Variants in AUTS2 observed in about 807,000 individuals in gnomAD.
The protein encoded by AUTS2 is activator of transcription and developmental regulator AUTS2.
In AUTS2, 17 loss-of-function variants were observed where a neutral mutation model predicts 112.4. That is an observed-to-expected ratio of 0.15 (90% CI 0.10 to 0.23). AUTS2 has a LOEUF of 0.23. Among genes scored for constraint, AUTS2 ranks in the 10% least tolerant of loss-of-function variants. The pLI is 1.00. For missense variants in AUTS2, 1,510 were observed against 1,701.6 expected (o/e 0.89, Z 1.98); for synonymous variants, 751 against 702.7 (o/e 1.07, Z -1.09).
intron 4 of AUTS2, among the ~76,000 whole-genome samples, chr7:70,140,832 AATTGAT>A: frequency 6.6e-6 from 1 of 152,340 alleles, no homozygotes; most frequent in East Asian, 1.9e-4. Flanking sequence ...CATTTGGACT[AATTGAT>A]AAGGAGTTGA....
chr7:70,639,046 C>T (rs989447482), intron 5 of AUTS2, among the ~76,000 whole-genome samples: 1 of 152,118 alleles, frequency 6.6e-6, no homozygotes, highest in African/African-American at 2.4e-5. Context: ...CATCTTAGCC[C>T]TGACTTTTAA....
At chr7:70,324,238 G>A (rs1790384281) in intron 4 of AUTS2, among the ~76,000 whole-genome samples, 1 of 152,204 alleles carries the variant, frequency 6.6e-6, no homozygotes, top group African/African-American at 2.4e-5. Flanking sequence ...AGAAACAGTT[G>A]TGTTGGCTCT....
chr7:70,333,421 C>G (rs1024231311), intron 4 of AUTS2, among the ~76,000 whole-genome samples: 1 of 152,036 alleles, frequency 6.6e-6, no homozygotes, highest in African/African-American at 2.4e-5. Context: ...GATCTAGAAC[C>G]AGAAATAGCA....
chr7:70,121,455 T>C (rs1447423216), intron 3 of AUTS2, among the ~76,000 whole-genome samples: 1 of 152,126 alleles, frequency 6.6e-6, no homozygotes. Context: ...TGGTGTTTAC[T>C]CTACAGAATG....
chr7:70,243,245 G>A (rs1451924690), intron 4 of AUTS2, among the ~76,000 whole-genome samples: 3 of 143,756 alleles, frequency 2.1e-5, no homozygotes, highest in Admixed American at 6.8e-5. Flanking sequence ...GTGTGTGTGT[G>A]TGTGTGTGTG....
intron 1 of AUTS2, among the ~76,000 whole-genome samples, chr7:69,678,611 A>G (rs752376166): frequency 1.5e-4 from 23 of 152,174 alleles, no homozygotes; most frequent in African/African-American, 4.1e-4. Context: ...CAGAAACTCA[A>G]TTGTGGCCTT....
chr7:69,727,978 C>T (rs1212130051), intron 1 of AUTS2, among the ~76,000 whole-genome samples: 1 of 152,184 alleles, frequency 6.6e-6, no homozygotes, highest in Non-Finnish European at 1.5e-5. Context: ...CTAGATTCTT[C>T]TGAGTGCAGC....
At chr7:69,816,597 C>G (rs1790772432) in intron 1 of AUTS2, among the ~76,000 whole-genome samples, 1 of 152,192 alleles carries the variant, frequency 6.6e-6, no homozygotes, top group Non-Finnish European at 1.5e-5. Context: ...TGGATCCTTA[C>G]AAAGGACTGA....
Position 70,774,198 on chromosome 7 carries a change from G to A in AUTS2, c.1902+99G>A, listed in dbSNP as rs1490115355. The stretch of plus-strand genomic sequence containing the variant: ...CTCGCATCTTCCTTAGCTCCTTTGA[G>A]CGAGCTGCTGTTTCAGCTGTTCTTC... On this transcript the variant is annotated intron_variant, in intron 12 of 18. Transcript: ENST00000342771. 6 of 1,094,008 alleles carry A rather than the reference G, an allele frequency of 5.5e-6. No homozygotes were observed. In the African/African-American group the frequency reaches 9.3e-5, roughly 17 times the overall value. 67.8% of individuals were successfully genotyped at this position (1,094,008 alleles called of 1,614,324 possible).
intron 2 of AUTS2, among the ~76,000 whole-genome samples, chr7:69,921,762 TAAAAAAAAAAA>T (rs35008506): frequency 9.9e-6 from 1 of 100,554 alleles, no homozygotes; most frequent in African/African-American, 3.9e-5. Flanking sequence ...ACTCTGTCTT[TAAAAAAAAAAA>T]AAAAAAAAAA....
intron 2 of AUTS2, among the ~76,000 whole-genome samples, chr7:69,965,057 A>G (rs1488816760): frequency 6.6e-6 from 1 of 151,998 alleles, no homozygotes; most frequent in Non-Finnish European, 1.5e-5. Context: ...TGTTCCCCTT[A>G]CAAGAATCAC....
chr7:70,393,004 G>A (rs1253591533), intron 4 of AUTS2, among the ~76,000 whole-genome samples: 5 of 152,212 alleles, frequency 3.3e-5, no homozygotes, highest in Non-Finnish European at 5.9e-5. Flanking sequence ...AGCTCTTACT[G>A]CCTTGCAGAG....
At chr7:70,548,062 T>A (rs62455788) in intron 5 of AUTS2, among the ~76,000 whole-genome samples, 21,776 of 152,192 alleles carry the variant, frequency 0.14, 1,850 homozygotes, top group Non-Finnish European at 0.18. Flanking sequence ...GTCTTCCAAC[T>A]TTGTTCTTTT....
At chr7:70,725,563 A>G (rs1786979450) in intron 6 of AUTS2, among the ~76,000 whole-genome samples, 1 of 152,200 alleles carries the variant, frequency 6.6e-6, no homozygotes, top group Non-Finnish European at 1.5e-5. Context: ...AACTTACATG[A>G]CAAATGGGAA....
At chr7:70,310,153 C>T (rs1789671902) in intron 4 of AUTS2, among the ~76,000 whole-genome samples, 1 of 149,612 alleles carries the variant, frequency 6.7e-6, no homozygotes, top group Non-Finnish European at 1.5e-5. Context: ...TTTTTTGGCC[C>T]AGATTTTCAC....
chr7:69,782,178 A>C (rs1023546009), intron 1 of AUTS2, among the ~76,000 whole-genome samples: 1 of 151,986 alleles, frequency 6.6e-6, no homozygotes, highest in Non-Finnish European at 1.5e-5. Context: ...CAGCCTGGGC[A>C]GCATAGTGAG....
At chr7:69,817,159 G>C (rs10274419) in intron 1 of AUTS2, among the ~76,000 whole-genome samples, 11,559 of 152,296 alleles carry the variant, frequency 0.076, 594 homozygotes, top group African/African-American at 0.14. Flanking sequence ...CACTGCTGTT[G>C]AGGATCACTT....
chr7:69,889,509 C>T (rs375238959), intron 1 of AUTS2, among the ~76,000 whole-genome samples: 18 of 152,152 alleles, frequency 1.2e-4, no homozygotes, highest in African/African-American at 4.1e-4. Context: ...TGATAATACC[C>T]GTCCTAACAG....
chr7:69,972,653 TTG>T (rs145264992), intron 2 of AUTS2, among the ~76,000 whole-genome samples: 1 of 146,452 alleles, frequency 6.8e-6, no homozygotes, highest in African/African-American at 2.5e-5. Flanking sequence ...AAGTTTTTCT[TTG>T]TGTGTGTGTG....
Sources: allele counts gnomAD v4.1 joint callset (sites outside exome capture counted in the v4.1 genomes callset), GRCh38; gene constraint gnomAD v4.1.1; transcripts MANE v1.5; gene names NCBI Gene and HGNC (gene_info 2026-07-23, HGNC 2026-07-21).